MICAL3: variants seen among roughly 807,000 people sequenced by gnomAD.
MICAL3 encodes the protein microtubule associated monooxygenase, calponin and LIM domain containing 3, also known as [F-actin]-monooxygenase MICAL3.
Under a neutral mutation model 207.4 loss-of-function variants are expected in MICAL3, and 62 were observed. The ratio of observed to expected loss-of-function variants is 0.30; its 90% confidence interval spans 0.24 to 0.37. The LOEUF (loss-of-function observed/expected upper bound fraction) is 0.37, where lower values mean the gene tolerates loss of function less well. MICAL3 is among the 10% of genes least tolerant of loss of function. MICAL3 has a pLI of 1.00. For synonymous variants in MICAL3, 1,077 were observed against 1,069.3 expected (o/e 1.01, Z -0.14); for missense variants, 2,368 against 2,635.6 (o/e 0.90, Z 2.22).
At chr22:17,869,152 T>G (rs965273235) in intron 17 of MICAL3, among the ~76,000 whole-genome samples, 1 of 152,124 alleles carries the variant, frequency 6.6e-6, no homozygotes, top group Non-Finnish European at 1.5e-5. Flanking sequence ...GAGTGCAGCA[T>G]GCTGGGGGCA....
intron 1 of MICAL3, among the ~76,000 whole-genome samples, chr22:17,989,540 CT>C (rs1921427321): frequency 6.6e-6 from 1 of 152,116 alleles, no homozygotes; most frequent in Admixed American, 6.5e-5. Flanking sequence ...CTCGCTGCCC[CT>C]GAATGCATGC....
intron 1 of MICAL3, among the ~76,000 whole-genome samples, chr22:18,022,431 C>CA (rs1411646246): frequency 5.3e-5 from 8 of 149,878 alleles, no homozygotes; most frequent in East Asian, 3.9e-4. Flanking sequence ...CACCCCCACC[C>CA]TTTTTTTTTT....
intron 1 of MICAL3, among the ~76,000 whole-genome samples, chr22:17,947,531 T>C (rs1934131418): frequency 6.6e-6 from 1 of 152,188 alleles, no homozygotes; most frequent in East Asian, 1.9e-4. Context: ...AAAATCAAAG[T>C]ATGAAAGAAA....
chr22:17,858,413 T>C (rs1163240676), intron 19 of MICAL3: 1 of 971,520 alleles, frequency 1.0e-6, no homozygotes, highest in African/African-American at 1.8e-5. Context: ...GGGCTGGTTT[T>C]TGAGTCTAAA....
At chr22:17,804,149 C>T (rs1569071309) in intron 29 of MICAL3, among the ~76,000 whole-genome samples, 1 of 152,160 alleles carries the variant, frequency 6.6e-6, no homozygotes, top group Non-Finnish European at 1.5e-5. Flanking sequence ...CCACGTACAC[C>T]AGGGATCAGC....
chr22:17,963,651 G>A (rs1014210271), intron 1 of MICAL3, among the ~76,000 whole-genome samples: 7 of 152,090 alleles, frequency 4.6e-5, no homozygotes, highest in East Asian at 1.9e-4. Flanking sequence ...CCCCATCAAC[G>A]TGCTCCATAA....
Position 17,895,401 on chromosome 22 carries a change from A to C in MICAL3, c.1332T>G (p.Ile444Met). 1 of 1,613,704 alleles carries C rather than the reference A, an allele frequency of 6.2e-7. No individual in the cohort carries two copies. The highest frequency in any genetic ancestry group is 8.5e-7 in the Non-Finnish European group (1 of 1,179,778). ...GGGTGGTCTGAGGCAGCAACCTGTA[A>C]ATACTTTCCCTGCAATAACACAACA... ...PLEVLAERES[I>M]YRLLPQTTPE... Residue 444 changes from isoleucine to methionine, a missense_variant, in exon 10 of 32, where the codon ATT becomes ATG. Around this residue, in one of 4 missense-constraint regions of MICAL3, gnomAD observed 147 missense variants for 137.7 expected, o/e 1.07. Coordinates refer to ENST00000441493, the MANE Select transcript of MICAL3 (RefSeq NM_015241.3).
At chr22:17,792,693 G>C (rs944464250) in intron 29 of MICAL3, among the ~76,000 whole-genome samples, 1 of 152,224 alleles carries the variant, frequency 6.6e-6, no homozygotes, top group Non-Finnish European at 1.5e-5. Flanking sequence ...AACAAGCAGG[G>C]GTTAGTGTCT....
chr22:17,914,168 G>GT (rs1569130877), intron 1 of MICAL3, among the ~76,000 whole-genome samples: 1 of 152,164 alleles, frequency 6.6e-6, no homozygotes, highest in Admixed American at 6.5e-5. Flanking sequence ...AGATGGTTTT[G>GT]TTTTTTGAAG....
intron 1 of MICAL3, among the ~76,000 whole-genome samples, chr22:18,013,600 G>A (rs1040094155): frequency 6.6e-6 from 1 of 152,186 alleles, no homozygotes; most frequent in Non-Finnish European, 1.5e-5. Flanking sequence ...CAATGCCGAA[G>A]CCACAGAGCT....
At chr22:17,910,590 G>C (rs547404101) in intron 1 of MICAL3, among the ~76,000 whole-genome samples, 1 of 152,160 alleles carries the variant, frequency 6.6e-6, no homozygotes, top group Non-Finnish European at 1.5e-5. Flanking sequence ...GGAACAATGC[G>C]ACCGGCACCC....
At position 17,896,431 on chromosome 22, in the gene MICAL3, G is replaced by GT. The variant is rs1258256309; in HGVS notation, c.1207-71_1207-70insA. On this transcript the variant is annotated intron_variant, in intron 8 of 31. Coordinates refer to ENST00000441493, the MANE Select transcript of MICAL3 (RefSeq NM_015241.3). ...TTCAAAATGGGAAAAATAAACTAAG[G>GT]AACAAAGAGTTTGCTGTCGACAGTA... is the stretch of plus-strand genomic sequence containing the variant. 1.4e-5 allele frequency: 14 copies of GT among 1,000,168 alleles called. No individual in the cohort carries two copies. In the Admixed American group the frequency reaches 3.0e-4, roughly 21 times the overall value. 62.0% of individuals were successfully genotyped at this position (1,000,168 alleles called of 1,614,324 possible). A position where few individuals can be genotyped will look rare whatever the true frequency, so the allele number is the denominator to read the frequency against.
At chr22:17,808,798 G>T in intron 29 of MICAL3, 46 bp downstream of exon 29, 1 of 1,493,428 alleles carries the variant, frequency 6.7e-7, no homozygotes, top group Non-Finnish European at 9.1e-7. Flanking sequence ...CGGCGGGAGG[G>T]AGGGCTTCCT....
chr22:17,951,943 C>T (rs538037293), intron 1 of MICAL3, among the ~76,000 whole-genome samples: 54 of 152,198 alleles, frequency 3.5e-4, no homozygotes, highest in African/African-American at 1.1e-3. Context: ...GTGATCCGCC[C>T]GCCTCGGCCT....
rs368981572 is a variant in MICAL3, at chr22:17,810,252, CG to C, written c.5556+450del. 8.6e-3 allele frequency among the ~76,000 whole-genome samples: 1,276 copies of C among 148,244 alleles called. 8 individuals carry two copies. Among genetic ancestry groups the C allele is most frequent in the African/African-American group, 0.012 (448 of 38,166 alleles). ...TAATTTTTTGTATTTTTAGTAGAGACGGGGGTTTCACCGTGTTAGCCAGGAT... is the reference window on the plus strand; with the variant it reads ...TAATTTTTTGTATTTTTAGTAGAGACGGGGTTTCACCGTGTTAGCCAGGAT... On this transcript the variant is annotated intron_variant, in intron 28 of 31. Coordinates refer to ENST00000441493, the MANE Select transcript of MICAL3 (RefSeq NM_015241.3).
chr22:17,949,191 C>CA (rs1934218349), intron 1 of MICAL3, among the ~76,000 whole-genome samples: 1 of 152,220 alleles, frequency 6.6e-6, no homozygotes, highest in Non-Finnish European at 1.5e-5. Context: ...GCCTGGGTGA[C>CA]AGAGTGAGAA....
chr22:17,841,356 G>A lies in MICAL3; in HGVS notation c.2801+466C>T. 4.3e-6 allele frequency: 1 copy of A among 233,352 alleles called. No individual in the cohort carries two copies. Among genetic ancestry groups the A allele is most frequent in the Non-Finnish European group, 8.5e-6 (1 of 117,614 alleles). The allele number at this position is 233,352 out of a possible 1,614,324, so 14.5% of individuals were successfully genotyped here. On this transcript the variant is annotated intron_variant, in intron 20 of 31. Transcript: ENST00000441493. The surrounding 1 kb of genome is among the most constrained non-coding windows in gnomAD (Gnocchi z 4.2). ...ACTGCCTAAGCATGCATCCACTGGT[G>A]CTGCATGCGGCCCCTGGGGCACACA...
At chr22:18,011,918 A>G (rs1923764077) in intron 1 of MICAL3, among the ~76,000 whole-genome samples, 1 of 150,244 alleles carries the variant, frequency 6.7e-6, no homozygotes. Context: ...AATAAAATAA[A>G]TAAATAATAA....
intron 19 of MICAL3, chr22:17,864,492 C>T (rs992631895): frequency 2.0e-5 from 29 of 1,426,102 alleles, no homozygotes; most frequent in Middle Eastern, 2.6e-4. Context: ...GCATGAAGGC[C>T]GAGTGGCCTT....
Sources: allele counts gnomAD v4.1 joint callset (sites outside exome capture counted in the v4.1 genomes callset), GRCh38; gene constraint gnomAD v4.1.1; regional missense constraint gnomAD v4.1.1; non-coding constraint Gnocchi (gnomAD v3.1); transcripts MANE v1.5; gene names NCBI Gene and HGNC (gene_info 2026-07-23, HGNC 2026-07-21).